Variants in TRPM1 observed in about 807,000 individuals in gnomAD.
The protein encoded by TRPM1 is TRPM1-203 APA Isoform, Intron 10.
In TRPM1, 113 loss-of-function variants were observed where a neutral mutation model predicts 149.4. That is an observed-to-expected ratio of 0.76 (90% CI 0.65 to 0.88). TRPM1 has a LOEUF of 0.88. Ranked by LOEUF, TRPM1 falls within the 40% of genes least tolerant of loss-of-function variation. The pLI is 0.00. For synonymous variants in TRPM1, 741 were observed against 759.5 expected, an observed-to-expected ratio of 0.98 and a Z score of 0.40; for missense variants, 1,976 against 2,038.7, an observed-to-expected ratio of 0.97 and a Z score of 0.59.
chr15:31,092,498 A>C (rs2035267049), intron 1 of TRPM1, among the ~76,000 whole-genome samples: 1 of 152,106 alleles, frequency 6.6e-6, no homozygotes, highest in South Asian at 2.1e-4. Context: ...GTCCCTCATT[A>C]CTCAGGGTCT....
chr15:31,093,467 A>G (rs1465847136), intron 1 of TRPM1, among the ~76,000 whole-genome samples: 1 of 152,168 alleles, frequency 6.6e-6, no homozygotes, highest in Non-Finnish European at 1.5e-5. Context: ...TTAACCAAAG[A>G]GGTGAAGGCC....
chr15:31,088,736 T>A (rs1167915377), intron 1 of TRPM1, among the ~76,000 whole-genome samples: 1 of 150,874 alleles, frequency 6.6e-6, no homozygotes, highest in Non-Finnish European at 1.5e-5. Flanking sequence ...GCGGCGGTAT[T>A]CGTCTTCCTG....
chr15:31,160,967 A>T, exon 1 of TRPM1: 3 of 1,535,450 alleles, frequency 2.0e-6, no homozygotes, highest in Non-Finnish European at 2.6e-6. Flanking sequence ...CATCTCTCTC[A>T]GTGAGCCTGT....
intron 27 of TRPM1, among the ~76,000 whole-genome samples, chr15:31,007,640 AACAGCAGC>A (rs754622836): frequency 0.049 from 3,633 of 73,516 alleles, 67 homozygotes; most frequent in African/African-American, 0.13. Context: ...CGTCTATAAC[AACAGCAGC>A]GCAGCAACAA....
intron 1 of TRPM1, among the ~76,000 whole-genome samples, chr15:31,143,286 T>G (rs144027615): frequency 2.2e-3 from 341 of 152,370 alleles, no homozygotes; most frequent in African/African-American, 7.9e-3. Context: ...AGAGCAAGAA[T>G]TAATTACATG....
intron 1 of TRPM1, among the ~76,000 whole-genome samples, chr15:31,160,501 C>G (rs1429940502): frequency 1.3e-5 from 2 of 152,204 alleles, no homozygotes; most frequent in Non-Finnish European, 2.9e-5. Context: ...CCATGGCCCA[C>G]ACAAACATCT....
chr15:31,062,058 T>C (rs1416521797), intron 9 of TRPM1, among the ~76,000 whole-genome samples: 1 of 152,178 alleles, frequency 6.6e-6, no homozygotes, highest in Non-Finnish European at 1.5e-5. Context: ...TCCCCATCCC[T>C]TCTGGCACCC....
chr15:31,113,365 T>C (rs1193061980), intron 1 of TRPM1, among the ~76,000 whole-genome samples: 2 of 151,932 alleles, frequency 1.3e-5, no homozygotes, highest in Non-Finnish European at 2.9e-5. Context: ...CACCATGGAC[T>C]GTCACAACCA....
At chr15:31,159,384 G>C (rs192985657) in intron 1 of TRPM1, among the ~76,000 whole-genome samples, 1 of 152,256 alleles carries the variant, frequency 6.6e-6, no homozygotes, top group Non-Finnish European at 1.5e-5. Context: ...GAACAGTGTG[G>C]GCCAGCTTTG....
intron 1 of TRPM1, among the ~76,000 whole-genome samples, chr15:31,090,971 G>A (rs923031937): frequency 6.6e-6 from 1 of 152,200 alleles, no homozygotes; most frequent in African/African-American, 2.4e-5. Context: ...GTGATTAAGT[G>A]TGTAAAACTT....
At chr15:31,062,361 T>C (rs1291702388) in intron 9 of TRPM1, among the ~76,000 whole-genome samples, 1 of 152,308 alleles carries the variant, frequency 6.6e-6, no homozygotes, top group East Asian at 1.9e-4. Context: ...ATGCCCCACT[T>C]GCTAAAGTTT....
chr15:31,072,945 A>G (rs1017895073), intron 3 of TRPM1, among the ~76,000 whole-genome samples: 11 of 151,748 alleles, frequency 7.2e-5, no homozygotes, highest in African/African-American at 2.7e-4. Flanking sequence ...ATTCACAAAT[A>G]TTTTCTCCCA....
chr15:31,115,409 T>A (rs1466204498), intron 1 of TRPM1, among the ~76,000 whole-genome samples: 1 of 152,066 alleles, frequency 6.6e-6, no homozygotes, highest in Non-Finnish European at 1.5e-5. Flanking sequence ...AATCAGACAG[T>A]TGAGGTCACA....
intron 3 of TRPM1, among the ~76,000 whole-genome samples, chr15:31,071,120 T>C (rs1469513586): frequency 2.6e-5 from 4 of 152,208 alleles, no homozygotes; most frequent in African/African-American, 7.2e-5. Flanking sequence ...CTTTTCCTAG[T>C]GTGCCTAGGA....
In TRPM1 at chr15:31,001,843, A is replaced by T. The variant is rs766309006; in HGVS notation, c.4857T>A (p.Ala1619=). The T allele has an allele frequency of 5.0e-5, 80 of 1,611,954 alleles. No individual in the cohort carries two copies. The highest frequency in any genetic ancestry group is 6.8e-5 in the Non-Finnish European group (80 of 1,179,822). ...CAGACTAGCATTCAGTTTCTGTGGA[A>T]GCTTTCTCTTTCTTAACCTTTTTTT... ...AEEKKVKKEK[A]STETEC Residue 1619 remains alanine, a synonymous_variant, in exon 28 of 28, where the codon GCT becomes GCA. Coordinates refer to ENST00000256552, the MANE Select transcript of TRPM1 (RefSeq NM_001252024.2).
At chr15:31,067,482 T>G (rs1014394957) in intron 5 of TRPM1, among the ~76,000 whole-genome samples, 6 of 152,192 alleles carry the variant, frequency 3.9e-5, no homozygotes, top group African/African-American at 1.4e-4. Context: ...CTTTTTGGCA[T>G]TCCTTGGCTG....
rs2033569992 is a variant in TRPM1 at position 31,040,310 on chromosome 15, C to T, written c.2124G>A (p.Gln708=). 1 of 1,614,184 alleles carries T rather than the reference C, an allele frequency of 6.2e-7. No homozygotes were observed. The highest frequency in any genetic ancestry group is 1.7e-5 in the Admixed American group (1 of 60,022). ...FGQLALELLD[Q]SYKHDEQIAM... is the part of the protein sequence containing the mutation. ...CGATCTGCTCGTCATGCTTATAGGA[C>T]TGGTCTAATAACTCCAAAGCAAGCT... Residue 708 remains glutamine (Q), a synonymous_variant, in exon 18 of 28, where the codon CAG becomes CAA. Transcript: ENST00000256552. This position sits in a 1 kb window ranked among gnomAD's most constrained non-coding sequence, Gnocchi z 4.2.
chr15:31,108,343 C>A (rs1406695023), intron 1 of TRPM1, among the ~76,000 whole-genome samples: 2 of 152,136 alleles, frequency 1.3e-5, no homozygotes, highest in Non-Finnish European at 2.9e-5. Context: ...GTGTAGTATA[C>A]TCTTAGACGT....
chr15:31,101,587 A>G (rs777764860), intron 1 of TRPM1, 70 bp downstream of exon 1: 1 of 929,224 alleles, frequency 1.1e-6, no homozygotes, highest in African/African-American at 1.8e-5. Context: ...TCCACGCTTG[A>G]GTTTACCCAC....
Sources: gnomAD v4.1 joint callset for allele counts (sites outside exome capture counted in the v4.1 genomes callset) on GRCh38, gnomAD v4.1.1 for gene constraint, Gnocchi (gnomAD v3.1) non-coding constraint, MANE v1.5 for transcripts, NCBI Gene and HGNC (gene_info 2026-07-23, HGNC 2026-07-21) for gene names.